Variants in GGACT observed in about 807,000 individuals in gnomAD.
The protein encoded by GGACT is gamma-glutamylamine cyclotransferase.
For missense variants in GGACT, 241 were observed against 233.2 expected (o/e 1.03, Z -0.22); for synonymous variants, 118 against 115.3 (o/e 1.02, Z -0.15).
intron 2 of GGACT, among the ~76,000 whole-genome samples, chr13:100,550,612 G>C (rs546463012): frequency 6.6e-6 from 1 of 152,180 alleles, no homozygotes; most frequent in Non-Finnish European, 1.5e-5. Flanking sequence ...AAGCACATTT[G>C]GGTATATACT....
At chr13:100,532,778 ACAT>A (rs1418228087) in intron 2 of GGACT, among the ~76,000 whole-genome samples, 177 bp from the exon 3 acceptor site, 6 of 152,250 alleles carry the variant, frequency 3.9e-5, no homozygotes, top group African/African-American at 1.4e-4. Flanking sequence ...CAGTTTTCAC[ACAT>A]CATGAGATAT....
chr13:100,558,331 C>T (rs2088727787), intron 2 of GGACT, among the ~76,000 whole-genome samples: 1 of 151,984 alleles, frequency 6.6e-6, no homozygotes, highest in Non-Finnish European at 1.5e-5. Flanking sequence ...CAAAACCAAA[C>T]AAACAAAATG....
At chr13:100,567,908 AG>A (rs1035466674) in intron 2 of GGACT, among the ~76,000 whole-genome samples, 1 of 152,190 alleles carries the variant, frequency 6.6e-6, no homozygotes, top group African/African-American at 2.4e-5. Flanking sequence ...TTCTAATCTC[AG>A]GTACCACCAT....
chr13:100,541,548 T>A (rs1370551164), intron 2 of GGACT: 1 of 152,258 alleles, frequency 6.6e-6, no homozygotes, highest in Non-Finnish European at 1.5e-5. Flanking sequence ...TTTATCAACA[T>A]CTTCTAGAAA....
At chr13:100,532,688 C>T in intron 2 of GGACT, 87 bp from the exon 3 acceptor site, 2 of 1,058,938 alleles carry the variant, frequency 1.9e-6, no homozygotes, top group African/African-American at 1.6e-5. Flanking sequence ...CACAGAGCCT[C>T]CACTGGGGCC....
chr13:100,532,221 A>G lies in GGACT; in HGVS notation c.371T>C (p.Phe124Ser), dbSNP rs1327749959. ...CGGGAGCTGGGCCCACTCCGGCGGG[A>G]AGGTGGCCCTGCTGTACACGAAGCA... Reference protein sequence around the residue: ...VQCFVYSRATFPPEWAQLPHH... With the variant: ...VQCFVYSRATSPPEWAQLPHH... The change falls in exon 3 of 3, where the codon TTC (phenylalanine) becomes TCC (serine). Residue 124 changes from phenylalanine (F) to serine (S), a missense_variant. Phe to Ser is a radical substitution (Grantham distance 155). Transcript: ENST00000683975. 2 of 1,484,660 alleles carry G rather than the reference A, an allele frequency of 1.3e-6. No homozygotes were observed. The highest frequency in any genetic ancestry group is 2.8e-5 in the African/African-American group (2 of 71,434). 92.0% of individuals were successfully genotyped at this position (1,484,660 alleles called of 1,614,324 possible).
At position 100,532,256 on chromosome 13, in the gene GGACT, G is replaced by A. The variant is rs2088409321; in HGVS notation, c.336C>T (p.Thr112=). The A allele has an allele frequency of 2.6e-6, 4 of 1,525,232 alleles. No homozygotes were observed. In the East Asian group the frequency reaches 7.4e-5, roughly 28 times the overall value. The allele number at this position is 1,525,232 out of a possible 1,614,324, so 94.5% of individuals were successfully genotyped here. ...TGCTGTACACGAAGCACTGCACCGC[G>A]GTGGGCGCTGGCGGCTCCTCTGCGC... ...APGAEEPPAP[T]AVQCFVYSRA... is the part of the protein sequence containing the mutation. The change falls in exon 3 of 3, where the codon ACC becomes ACT. Residue 112 remains threonine, a synonymous_variant. Coordinates refer to ENST00000683975, the MANE Select transcript of GGACT (RefSeq NM_001195087.2).
chr13:100,542,921 A>G (rs1373329284), intron 2 of GGACT, among the ~76,000 whole-genome samples: 1 of 152,156 alleles, frequency 6.6e-6, no homozygotes, highest in Non-Finnish European at 1.5e-5. Flanking sequence ...ATAGTTTCAT[A>G]TTTCACCACT....
At chr13:100,555,401 C>T (rs1411455013) in intron 2 of GGACT, among the ~76,000 whole-genome samples, 5 of 152,078 alleles carry the variant, frequency 3.3e-5, no homozygotes, top group Non-Finnish European at 5.9e-5. Context: ...TGGTGCATGC[C>T]TGTAGTCAGT....
chr13:100,588,681 AC>A (rs1350541442), intron 1 of GGACT, 59 bp downstream of exon 1: 1 of 151,264 alleles, frequency 6.6e-6, no homozygotes, highest in Non-Finnish European at 1.5e-5. Context: ...GCGCCAGGAC[AC>A]CCCGCCTGGG....
At chr13:100,559,487 T>C (rs2088739091) in intron 2 of GGACT, among the ~76,000 whole-genome samples, 1 of 150,732 alleles carries the variant, frequency 6.6e-6, no homozygotes, top group Non-Finnish European at 1.5e-5. Flanking sequence ...GTGCCCGACC[T>C]GTACATTTTA....
intron 2 of GGACT, among the ~76,000 whole-genome samples, chr13:100,560,351 A>C (rs1206730308): frequency 2.0e-5 from 3 of 152,210 alleles, no homozygotes; most frequent in Non-Finnish European, 4.4e-5. Context: ...CCAGGATCTG[A>C]CTCGCTTTTC....
chr13:100,545,302 C>T lies in GGACT; in HGVS notation c.-10-12701G>A, dbSNP rs1191222749. Among the ~76,000 whole-genome samples, 3 of 152,246 alleles carry T rather than the reference C, an allele frequency of 2.0e-5. No homozygotes were observed. On this transcript the variant is annotated intron_variant, in intron 2 of 2. Coordinates refer to ENST00000683975, the MANE Select transcript of GGACT (RefSeq NM_001195087.2). The surrounding 1 kb of genome is among the most constrained non-coding windows in gnomAD (Gnocchi z 4.4). ...AGGCCGCTTCACTCCCAGCTTCTCC[C>T]CCCTTTTGCAGATGGGGAAGCTGGG...
At chr13:100,561,267 A>G (rs997103361) in intron 2 of GGACT, among the ~76,000 whole-genome samples, 1 of 152,172 alleles carries the variant, frequency 6.6e-6, no homozygotes, top group Non-Finnish European at 1.5e-5. Flanking sequence ...ACACTTCCAT[A>G]TTAGGAACAG....
Position 100,573,827 on chromosome 13 carries a change from A to G in GGACT, c.-11+9998T>C, listed in dbSNP as rs577971921. Reference sequence around the variant, plus strand: ...ATCTTCACTAATCAGAGAAATGAAAATCAAAACCACAATGAGATACCATCT... The same window carrying G: ...ATCTTCACTAATCAGAGAAATGAAAGTCAAAACCACAATGAGATACCATCT... On this transcript the variant is annotated intron_variant, in intron 2 of 2. Coordinates refer to ENST00000683975, the MANE Select transcript of GGACT (RefSeq NM_001195087.2). Among the ~76,000 whole-genome samples, 14 of 152,042 alleles carry G rather than the reference A, an allele frequency of 9.2e-5. No homozygotes were observed. In the East Asian group the frequency reaches 2.7e-3, roughly 29 times the overall value.
At chr13:100,558,739 A>T (rs1025521278) in intron 2 of GGACT, among the ~76,000 whole-genome samples, 1 of 152,172 alleles carries the variant, frequency 6.6e-6, no homozygotes, top group Non-Finnish European at 1.5e-5. Context: ...AGGCGTAGAA[A>T]GACAGATACT....
Position 100,570,857 on chromosome 13 carries a change from G to C in GGACT, c.-11+12968C>G, listed in dbSNP as rs150180250. On this transcript the variant is annotated intron_variant, in intron 2 of 2. Transcript: ENST00000683975. ...TGCTATAAGGATACCCAAAAACGTG[G>C]AATCTTAGGCTTAAATGCCTGCTCA... Among the ~76,000 whole-genome samples, 930 of 152,098 alleles carry C rather than the reference G, an allele frequency of 6.1e-3. 6 individuals are homozygous for C. The highest frequency in any genetic ancestry group is 0.021 in the African/African-American group (877 of 41,488).
At chr13:100,552,943 A>G (rs2153014380) in intron 2 of GGACT, among the ~76,000 whole-genome samples, 1 of 151,446 alleles carries the variant, frequency 6.6e-6, no homozygotes, top group South Asian at 2.1e-4. Context: ...CAAGCAGTAG[A>G]GCCTCTGGGG....
At chr13:100,533,017 T>C (rs2088438083) in intron 2 of GGACT, among the ~76,000 whole-genome samples, 1 of 152,146 alleles carries the variant, frequency 6.6e-6, no homozygotes, top group South Asian at 2.1e-4. Context: ...CCACACCACC[T>C]GGATGGACTA....
Sources: gnomAD v4.1 joint callset for allele counts (sites outside exome capture counted in the v4.1 genomes callset) on GRCh38, gnomAD v4.1.1 for gene constraint, Gnocchi (gnomAD v3.1) non-coding constraint, MANE v1.5 for transcripts, NCBI Gene and HGNC (gene_info 2026-07-23, HGNC 2026-07-21) for gene names.